CHRM3: variants seen among roughly 807,000 people sequenced by gnomAD.
CHRM3 encodes muscarinic acetylcholine receptor M3.
In CHRM3, 11 loss-of-function variants were observed where a neutral mutation model predicts 41.8. The observed-to-expected ratio is 0.26, with a 90% confidence interval of 0.17 to 0.44. The LOEUF is 0.44. Among genes scored for constraint, CHRM3 ranks in the 20% least tolerant of loss-of-function variants. The pLI, the probability that CHRM3 is intolerant of heterozygous loss-of-function variation, is 1.00. For missense variants in CHRM3, 571 were observed against 745.4 expected (o/e 0.77, Z 2.72); for synonymous variants, 297 against 301.4 (o/e 0.99, Z 0.15).
intron 2 of CHRM3, among the ~76,000 whole-genome samples, chr1:239,514,854 G>T (rs1669153430): frequency 6.6e-6 from 1 of 152,018 alleles, no homozygotes; most frequent in African/African-American, 2.4e-5. Flanking sequence ...GAGAAAACTT[G>T]CAGACAAGAG....
intron 2 of CHRM3, among the ~76,000 whole-genome samples, chr1:239,500,829 A>G (rs1449662122): frequency 6.6e-6 from 1 of 152,202 alleles, no homozygotes; most frequent in Non-Finnish European, 1.5e-5. Flanking sequence ...CTTAAAAGAT[A>G]CAGAAACACA....
At chr1:239,799,424 A>T (rs143199974) in intron 5 of CHRM3, among the ~76,000 whole-genome samples, 308 of 152,252 alleles carry the variant, frequency 2.0e-3, no homozygotes, top group African/African-American at 6.6e-3. Flanking sequence ...CAGGGGCAGG[A>T]TCGAACACGC....
rs1171361504 is a variant in CHRM3, at chr1:239,387,062, G to A, written c.-686G>A. On this transcript the variant is annotated 5_prime_UTR_variant, in exon 1 of 7. Coordinates refer to ENST00000676153, the MANE Select transcript of CHRM3 (RefSeq NM_001375978.1). The surrounding 1 kb of genome is among the most constrained non-coding windows in gnomAD (Gnocchi z 5.1). Reference sequence around the variant, plus strand: ...CGCAGCAGCGCTTCTGGGAAGACGGGCGATGAACTGAAGGGCGGCTCCGGG... The same window carrying A: ...CGCAGCAGCGCTTCTGGGAAGACGGACGATGAACTGAAGGGCGGCTCCGGG... 1 of 152,330 alleles carries A rather than the reference G, an allele frequency of 6.6e-6. No individual in the cohort carries two copies. Among genetic ancestry groups the A allele is most frequent in the Non-Finnish European group, 1.5e-5 (1 of 68,198 alleles). 9.4% of individuals were successfully genotyped at this position (152,330 alleles called of 1,614,324 possible). A position where few individuals can be genotyped will look rare whatever the true frequency, so the allele number is the denominator to read the frequency against.
chr1:239,512,653 C>T (rs1226251543), intron 2 of CHRM3, among the ~76,000 whole-genome samples: 1 of 152,014 alleles, frequency 6.6e-6, no homozygotes, highest in African/African-American at 2.4e-5. Flanking sequence ...CTCCTGCTTT[C>T]TCTCACTCTT....
At chr1:239,903,203 A>C (rs1378509577) in intron 6 of CHRM3, among the ~76,000 whole-genome samples, 1 of 152,216 alleles carries the variant, frequency 6.6e-6, no homozygotes, top group Non-Finnish European at 1.5e-5. Context: ...ACAGGATGAA[A>C]TGAACTAAAA....
intron 2 of CHRM3, among the ~76,000 whole-genome samples, chr1:239,530,244 A>C (rs1176402653): frequency 6.6e-6 from 1 of 152,082 alleles, no homozygotes; most frequent in African/African-American, 2.4e-5. Flanking sequence ...CTTTTCTTCA[A>C]ATATAGATCA....
chr1:239,418,453 T>C (rs1191706180), intron 1 of CHRM3, among the ~76,000 whole-genome samples: 1 of 152,164 alleles, frequency 6.6e-6, no homozygotes, highest in African/African-American at 2.4e-5. Context: ...GGGACCAACA[T>C]CTGTGTATGT....
At chr1:239,572,867 G>T (rs748265807) in intron 3 of CHRM3, among the ~76,000 whole-genome samples, 3 of 152,172 alleles carry the variant, frequency 2.0e-5, no homozygotes, top group Admixed American at 6.5e-5. Flanking sequence ...AGCAAAGAGA[G>T]AACTTTTATA....
At chr1:239,754,740 G>A (rs75744544) in intron 5 of CHRM3, among the ~76,000 whole-genome samples, 3,828 of 152,234 alleles carry the variant, frequency 0.025, 136 homozygotes, top group East Asian at 0.14. Context: ...GGGGACTAGT[G>A]CTGTGTTTAT....
intron 5 of CHRM3, among the ~76,000 whole-genome samples, chr1:239,728,827 T>C (rs796534872): frequency 5.3e-5 from 8 of 152,058 alleles, no homozygotes; most frequent in African/African-American, 1.9e-4. Flanking sequence ...AGCACTTTTA[T>C]TATTACTATA....
At chr1:239,422,096 T>C (rs958914089) in intron 1 of CHRM3, among the ~76,000 whole-genome samples, 17 of 152,182 alleles carry the variant, frequency 1.1e-4, no homozygotes, top group African/African-American at 3.9e-4. Context: ...TTACCTATTA[T>C]GGCAAGAAAA....
At chr1:239,406,547 G>C (rs1660610861) in intron 1 of CHRM3, among the ~76,000 whole-genome samples, 2 of 152,140 alleles carry the variant, frequency 1.3e-5, no homozygotes, top group Admixed American at 6.5e-5. Flanking sequence ...CATTACTGAA[G>C]CGAAAGCTGG....
chr1:239,755,247 T>G (rs1666147080), intron 5 of CHRM3, among the ~76,000 whole-genome samples: 1 of 152,166 alleles, frequency 6.6e-6, no homozygotes, highest in African/African-American at 2.4e-5. Flanking sequence ...CTGAAAGGTT[T>G]TATTTACCTT....
chr1:239,623,642 T>TC (rs1157911969), intron 3 of CHRM3, among the ~76,000 whole-genome samples: 1 of 69,828 alleles, frequency 1.4e-5, no homozygotes, highest in East Asian at 4.7e-4. Context: ...ATGCTATCCC[T>TC]CCCCCCTCCC....
At chr1:239,610,522 C>T (rs376478051) in intron 3 of CHRM3, among the ~76,000 whole-genome samples, 2 of 152,306 alleles carry the variant, frequency 1.3e-5, no homozygotes, top group African/African-American at 4.8e-5. Context: ...AACATTGTAG[C>T]TGCATGTGGG....
rs199753050 is a variant in CHRM3, at chr1:239,797,774, G to A, written c.-146-29478G>A. Among the ~76,000 whole-genome samples, 17 of 152,264 alleles carry A rather than the reference G, an allele frequency of 1.1e-4. No homozygotes were observed. In the East Asian group the frequency reaches 3.3e-3, roughly 29 times the overall value. On this transcript the variant is annotated intron_variant, in intron 5 of 6. Coordinates refer to ENST00000676153, the MANE Select transcript of CHRM3 (RefSeq NM_001375978.1). ...CAAACTTAAAAAGTCCAAGCCATGT[G>A]TGGTGGCTTGCACCTATGGTCCCAG...
chr1:239,686,852 A>G (rs1659191761), intron 5 of CHRM3, among the ~76,000 whole-genome samples: 1 of 152,202 alleles, frequency 6.6e-6, no homozygotes, highest in African/African-American at 2.4e-5. Context: ...TTGAACTGCT[A>G]CTGACTGCCC....
At chr1:239,789,002 G>GT (rs527410096) in intron 5 of CHRM3, among the ~76,000 whole-genome samples, 36 of 152,304 alleles carry the variant, frequency 2.4e-4, no homozygotes, top group African/African-American at 8.4e-4. Context: ...TTTCGCTTGT[G>GT]TAAGAGTCCA....
intron 3 of CHRM3, among the ~76,000 whole-genome samples, chr1:239,555,097 G>GA (rs1323305931): frequency 6.6e-6 from 1 of 152,054 alleles, no homozygotes; most frequent in Non-Finnish European, 1.5e-5. Context: ...GAATCTAAAG[G>GA]AAAAATCCTC....
Sources: allele counts gnomAD v4.1 joint callset (sites outside exome capture counted in the v4.1 genomes callset), GRCh38; gene constraint gnomAD v4.1.1; non-coding constraint Gnocchi (gnomAD v3.1); transcripts MANE v1.5; gene names NCBI Gene and HGNC (gene_info 2026-07-23, HGNC 2026-07-21).